SENP7: variants seen among roughly 807,000 people sequenced by gnomAD.
SENP7 encodes the protein sentrin-specific protease 7.
Under a neutral mutation model 141.2 loss-of-function variants are expected in SENP7, and 64 were observed. The observed-to-expected ratio is 0.45, with a 90% CI of 0.37 to 0.56. The LOEUF (loss-of-function observed/expected upper bound fraction) is 0.56, where lower values mean the gene tolerates loss of function less well. Ranked by LOEUF, SENP7 falls within the 20% of genes least tolerant of loss-of-function variation. The pLI, the probability that SENP7 is intolerant of heterozygous loss-of-function variation, is 0.00. For missense variants in SENP7, 1,025 were observed against 1,212.2 expected, an observed-to-expected ratio of 0.85 and a Z score of 2.29; for synonymous variants, 382 against 426.4, an observed-to-expected ratio of 0.90 and a Z score of 1.28.
chr3:101,483,751 G>T (rs2064603782), intron 3 of SENP7, among the ~76,000 whole-genome samples: 1 of 152,360 alleles, frequency 6.6e-6, no homozygotes, highest in African/African-American at 2.4e-5. Context: ...GCTGGGCATG[G>T]TGGCTTGCAC....
At chr3:101,507,745 T>A (rs1299514982) in intron 1 of SENP7, among the ~76,000 whole-genome samples, 1 of 152,036 alleles carries the variant, frequency 6.6e-6, no homozygotes, top group African/African-American at 2.4e-5. Context: ...TCCTTTAAAA[T>A]TAACATAAAT....
chr3:101,394,142 T>C (rs145495379), intron 6 of SENP7, among the ~76,000 whole-genome samples: 183 of 152,332 alleles, frequency 1.2e-3, no homozygotes, highest in African/African-American at 4.2e-3. Flanking sequence ...TTTATAATTC[T>C]ACTCTCTGCC....
At chr3:101,465,315 T>C (rs1249616973) in intron 3 of SENP7, among the ~76,000 whole-genome samples, 5 of 152,128 alleles carry the variant, frequency 3.3e-5, no homozygotes, top group Admixed American at 2.6e-4. Context: ...GCCACTGCCA[T>C]TGCCTACACA....
chr3:101,406,985 A>C (rs1383236171), intron 5 of SENP7, among the ~76,000 whole-genome samples: 1 of 152,236 alleles, frequency 6.6e-6, no homozygotes, highest in Non-Finnish European at 1.5e-5. Flanking sequence ...TCATATACAA[A>C]GGAAAGATAC....
chr3:101,359,025 C>T (rs1218655227), intron 11 of SENP7: 3 of 151,958 alleles, frequency 2.0e-5, no homozygotes, highest in Non-Finnish European at 4.4e-5. Context: ...TGTACAAACA[C>T]CTCCAACTTT....
At chr3:101,480,417 G>C (rs1465640930) in intron 3 of SENP7, among the ~76,000 whole-genome samples, 2 of 151,996 alleles carry the variant, frequency 1.3e-5, no homozygotes, top group Non-Finnish European at 2.9e-5. Flanking sequence ...ACATACACTG[G>C]GTAAGGAACA....
At chr3:101,408,332 C>T (rs891063704) in intron 5 of SENP7, among the ~76,000 whole-genome samples, 17 of 152,088 alleles carry the variant, frequency 1.1e-4, no homozygotes, top group African/African-American at 4.1e-4. Flanking sequence ...CAGACGGATT[C>T]ACAGCAGAAT....
intron 11 of SENP7, 34 bp from the exon 12 acceptor site, chr3:101,351,685 A>C (rs2059617700): frequency 7.6e-7 from 1 of 1,308,034 alleles, no homozygotes; most frequent in South Asian, 2.4e-5. Context: ...ACAATGAGTT[A>C]CCACTCAAAA....
chr3:101,502,612 A>C (rs2065432434), intron 1 of SENP7, among the ~76,000 whole-genome samples: 2 of 151,220 alleles, frequency 1.3e-5, no homozygotes, highest in Non-Finnish European at 2.9e-5. Flanking sequence ...GCTTTGAAAA[A>C]GAAAAAAGAA....
intron 4 of SENP7, among the ~76,000 whole-genome samples, chr3:101,423,111 T>C (rs184620772): frequency 1.1e-3 from 169 of 152,070 alleles, no homozygotes; most frequent in Non-Finnish European, 2.0e-3. Flanking sequence ...CAAAAAAAAA[T>C]GGACAAAACA....
intron 4 of SENP7, among the ~76,000 whole-genome samples, chr3:101,458,360 A>G (rs755840806): frequency 3.9e-5 from 6 of 152,244 alleles, no homozygotes; most frequent in Non-Finnish European, 5.9e-5. Flanking sequence ...AAGAAAATTC[A>G]ATACTCTTTT....
chr3:101,481,812 A>C (rs948189293), intron 3 of SENP7, among the ~76,000 whole-genome samples: 1 of 152,210 alleles, frequency 6.6e-6, no homozygotes, highest in Non-Finnish European at 1.5e-5. Context: ...ATTGGGAAAT[A>C]AAACTGTCTT....
intron 3 of SENP7, among the ~76,000 whole-genome samples, 199 bp downstream of exon 3, chr3:101,493,674 T>C (rs542043992): frequency 3.9e-5 from 6 of 152,330 alleles, no homozygotes; most frequent in African/African-American, 9.6e-5. Context: ...TGCATAATTA[T>C]ATATACATAG....
chr3:101,472,542 C>T (rs2064044985), intron 3 of SENP7, among the ~76,000 whole-genome samples: 2 of 151,986 alleles, frequency 1.3e-5, no homozygotes, highest in South Asian at 2.1e-4. Flanking sequence ...AGGAGAAATA[C>T]CTAATGTAAA....
chr3:101,472,501 C>T (rs1417194366), intron 3 of SENP7, among the ~76,000 whole-genome samples: 3 of 150,992 alleles, frequency 2.0e-5, no homozygotes, highest in Admixed American at 6.6e-5. Flanking sequence ...GGACCTGTCG[C>T]GGGGTGGGGA....
chr3:101,348,003 C>T lies in SENP7; in HGVS notation c.1706G>A (p.Arg569Gln), dbSNP rs200813457. Reference protein sequence around the residue: ...SLLVDTTHLKRFGLWKSKDDN... With the variant: ...SLLVDTTHLKQFGLWKSKDDN... ...ATCCTTACTTTTCCATAACCCAAAC[C>T]GCTTTAAATGTGTGGTATCCACTAG... The change falls in exon 13 of 24, where the codon CGG becomes CAG. Residue 569 changes from arginine (R) to glutamine (Q), a missense_variant. Arg to Gln is a conservative substitution (Grantham distance 43). Transcript: ENST00000394095. 6 of 1,611,004 alleles carry T rather than the reference C, an allele frequency of 3.7e-6. No homozygotes were observed. Among genetic ancestry groups the T allele is most frequent in the South Asian group, 1.1e-5 (1 of 90,538 alleles).
At chr3:101,411,981 C>T (rs2061468449) in intron 5 of SENP7, among the ~76,000 whole-genome samples, 1 of 152,102 alleles carries the variant, frequency 6.6e-6, no homozygotes, top group South Asian at 2.1e-4. Context: ...TTCTCTCTGA[C>T]TCTTAGTTTT....
chr3:101,399,096 T>C, intron 5 of SENP7, 41 bp from the exon 6 acceptor site: 1 of 1,284,064 alleles, frequency 7.8e-7, no homozygotes, highest in Non-Finnish European at 1.0e-6. Flanking sequence ...TACTGAAGTT[T>C]TCAGTTAAAA....
chr3:101,502,600 T>C (rs2065431870), intron 1 of SENP7, among the ~76,000 whole-genome samples: 1 of 150,842 alleles, frequency 6.6e-6, no homozygotes, highest in African/African-American at 2.4e-5. Context: ...CTGGCTGGAT[T>C]TGCTTTGAAA....
Sources: allele counts gnomAD v4.1 joint callset (sites outside exome capture counted in the v4.1 genomes callset), GRCh38; gene constraint gnomAD v4.1.1; transcripts MANE v1.5; gene names NCBI Gene and HGNC (gene_info 2026-07-23, HGNC 2026-07-21).